The following RSF1 variants were observed in gnomAD, a reference collection of about 807,000 sequenced individuals.
RSF1 encodes the protein HBV pX-associated protein 8.
Under a neutral mutation model 145.2 loss-of-function variants are expected in RSF1, and 13 were observed. The observed-to-expected ratio is 0.09, with a 90% CI of 0.06 to 0.14. RSF1 has a LOEUF of 0.14. Among genes scored for constraint, RSF1 ranks in the 10% least tolerant of loss-of-function variants. The probability of loss-of-function intolerance (pLI) is 1.00; values close to 1 mark genes in which losing one functional copy is unlikely to be tolerated. For synonymous variants in RSF1, 577 were observed against 592.6 expected, an observed-to-expected ratio of 0.97 and a Z score of 0.38; for missense variants, 1,517 against 1,718.2, an observed-to-expected ratio of 0.88 and a Z score of 2.07.
chr11:77,848,896 C>T, the RSF1 span, among the ~76,000 whole-genome samples: 7 of 152,190 alleles, frequency 4.6e-5, no homozygotes, highest in Admixed American at 4.6e-4. Context: ...AGCGATCCTC[C>T]AGCCTGCTCT....
Position 77,820,663 on chromosome 11 carries a change from C to G in RSF1, c.52G>C (p.Gly18Arg). 1 of 1,557,128 alleles carries G rather than the reference C, an allele frequency of 6.4e-7. No individual in the cohort carries two copies. Among genetic ancestry groups the G allele is most frequent in the Non-Finnish European group, 8.7e-7 (1 of 1,151,782 alleles). Residue 18 changes from glycine (G) to arginine (R), a missense_variant, in exon 1 of 16, where the codon GGT becomes CGT. Gly to Arg is a moderately radical substitution (Grantham distance 125). Around this residue, in one of 12 missense-constraint regions of RSF1, gnomAD observed 85 missense variants for 91.8 expected, o/e 0.93. Coordinates refer to ENST00000308488, the MANE Select transcript of RSF1 (RefSeq NM_016578.4). ...AAVMAPPGCPGSCPNFAVVCS... is the reference protein window; with the variant it reads ...AAVMAPPGCPRSCPNFAVVCS... ...ACTACGGCGAAGTTGGGGCACGAAC[C>G]CGGGCAGCCCGGAGGAGCCATCACC... is the stretch of plus-strand genomic sequence containing the variant.
At chr11:77,761,229 G>A (rs926010263) in intron 2 of RSF1, among the ~76,000 whole-genome samples, 1 of 152,082 alleles carries the variant, frequency 6.6e-6, no homozygotes, top group African/African-American at 2.4e-5. Context: ...GTGAGCCACC[G>A]CACCTGGCCA....
chr11:77,776,466 G>C (rs1320879690), intron 1 of RSF1, among the ~76,000 whole-genome samples: 1 of 152,078 alleles, frequency 6.6e-6, no homozygotes, highest in African/African-American at 2.4e-5. Context: ...ACAAGCAGAG[G>C]TACCTAGATG....
Position 77,701,997 on chromosome 11 carries a change from T to G in RSF1, c.1232A>C (p.Lys411Thr), listed in dbSNP as rs1448825488. ...TTTTATTTCATCTTTCAAAAACTCTTTTGTTGGAGTAACTGATTTACACAA... is the reference window on the plus strand; with the variant it reads ...TTTTATTTCATCTTTCAAAAACTCTGTTGTTGGAGTAACTGATTTACACAA... The part of the protein sequence containing the change: ...GPLCKSVTPT[K>T]EFLKDEIKQE... Residue 411 changes from lysine (K) to threonine (T), a missense_variant, in exon 6 of 16, where the codon AAA becomes ACA. Lys to Thr is a moderately conservative substitution (Grantham distance 78). Around this residue, in one of 12 missense-constraint regions of RSF1, gnomAD observed 579 missense variants for 553.5 expected, o/e 1.05. Transcript: ENST00000308488. 1.9e-6 allele frequency: 3 copies of G among 1,613,900 alleles called. No individual in the cohort carries two copies. In the East Asian group the frequency reaches 6.7e-5, roughly 36 times the overall value.
chr11:77,718,973 G>A (rs185963465), intron 5 of RSF1, among the ~76,000 whole-genome samples: 1 of 152,290 alleles, frequency 6.6e-6, no homozygotes, highest in Non-Finnish European at 1.5e-5. Context: ...ACTGGGCTGG[G>A]TGCAGTGGCT....
At position 77,727,746 on chromosome 11, in the gene RSF1, T is replaced by A. The variant is rs144160259; in HGVS notation, c.579-2047A>T. On this transcript the variant is annotated intron_variant, in intron 4 of 15. Coordinates refer to ENST00000308488, the MANE Select transcript of RSF1 (RefSeq NM_016578.4). ...CTGCCTGCCTTGGCCTCCCAAACTG[T>A]TGGGATTACAAGCGTGAGCCACTGC... is the stretch of plus-strand genomic sequence containing the variant. Among the ~76,000 whole-genome samples, 118 of 152,144 alleles carry A rather than the reference T, an allele frequency of 7.8e-4. No homozygotes were observed. The Middle Eastern group carries it at 0.027, about 35-fold the overall frequency.
intron 1 of RSF1, among the ~76,000 whole-genome samples, chr11:77,819,214 C>A (rs1393235974): frequency 6.6e-6 from 1 of 152,268 alleles, no homozygotes; most frequent in Non-Finnish European, 1.5e-5. Flanking sequence ...AATAACCAAT[C>A]CACTTTGGCC....
At chr11:77,822,320 C>A (rs892631690), upstream of RSF1, among the ~76,000 whole-genome samples, 3 of 146,298 alleles carry the variant, frequency 2.1e-5, no homozygotes, top group Non-Finnish European at 3.0e-5. Flanking sequence ...GAGGCTGATG[C>A]AGGAGAACCC....
chr11:77,725,573 A>G lies in RSF1; in HGVS notation c.705T>C (p.Thr235=). 6.3e-7 allele frequency: 1 copy of G among 1,585,492 alleles called. No homozygotes were observed. Among genetic ancestry groups the G allele is most frequent in the South Asian group, 1.2e-5 (1 of 86,118 alleles). Reference sequence around the variant, plus strand: ...GTTTAGGTGTTTCTTCCTCTTTTTTAGTCTCCTCATCCTCTAAGCTGGGAC... The same window carrying G: ...GTTTAGGTGTTTCTTCCTCTTTTTTGGTCTCCTCATCCTCTAAGCTGGGAC... ...RESPSLEDEE[T]KKEEETPKQE... Residue 235 remains threonine, a synonymous_variant, in exon 5 of 16, where the codon ACT becomes ACC. Coordinates refer to ENST00000308488, the MANE Select transcript of RSF1 (RefSeq NM_016578.4).
chr11:77,748,442 A>G (rs1281125067), intron 2 of RSF1, among the ~76,000 whole-genome samples: 1 of 151,886 alleles, frequency 6.6e-6, no homozygotes, highest in African/African-American at 2.4e-5. Context: ...CAAGATGGAC[A>G]ATGGACAGTT....
the RSF1 span, chr11:77,831,972 A>G: frequency 6.6e-6 from 1 of 150,822 alleles, no homozygotes; most frequent in East Asian, 1.9e-4. Context: ...GGCCTCTCAG[A>G]AGTGCTGGGA....
Position 77,702,393 on chromosome 11 carries a change from T to G in RSF1, c.836A>C (p.Glu279Ala), listed in dbSNP as rs1960448496. 1 of 1,609,854 alleles carries G rather than the reference T, an allele frequency of 6.2e-7. No homozygotes were observed. The highest frequency in any genetic ancestry group is 8.5e-7 in the Non-Finnish European group (1 of 1,179,164). ...CACAAGTTCCTTTTCATCTTCTTTT[T>G]CTTTTTTCACAGTAGTCTCTTCTAG... ...NVLEETTVKK[E>A]KEDEKELVKL... The change falls in exon 6 of 16, where the codon GAA (glutamate) becomes GCA (alanine). Residue 279 changes from glutamate (E) to alanine (A), a missense_variant. Glu to Ala is a moderately radical substitution (Grantham distance 107). Around this residue, in one of 12 missense-constraint regions of RSF1, gnomAD observed 207 missense variants for 191.4 expected, o/e 1.08. Transcript: ENST00000308488.
At chr11:77,830,177 A>G in the RSF1 span, 1 of 152,286 alleles carries the variant, frequency 6.6e-6, no homozygotes. Context: ...CAAAATAGGA[A>G]AAAATACATC....
At chr11:77,782,295 C>G (rs957739595) in intron 1 of RSF1, among the ~76,000 whole-genome samples, 3 of 151,858 alleles carry the variant, frequency 2.0e-5, no homozygotes, top group Non-Finnish European at 4.4e-5. Context: ...AATCCCAACA[C>G]TTTGGGAGGC....
At chr11:77,818,021 C>G (rs147509483) in intron 1 of RSF1, among the ~76,000 whole-genome samples, 1 of 152,244 alleles carries the variant, frequency 6.6e-6, no homozygotes, top group Non-Finnish European at 1.5e-5. Flanking sequence ...GCCAAGTGTT[C>G]TGAACTGTGT....
intron 1 of RSF1, among the ~76,000 whole-genome samples, chr11:77,787,833 T>TAAAAAAAAAAAAAA (rs57568918): frequency 1.5e-5 from 2 of 129,472 alleles, no homozygotes; most frequent in African/African-American, 5.9e-5. Context: ...TTCAGAACAG[T>TAAAAAAAAAAAAAA]AAAAAAAAAA....
intron 5 of RSF1, among the ~76,000 whole-genome samples, chr11:77,713,144 C>T (rs1013037002): frequency 6.6e-6 from 1 of 152,170 alleles, no homozygotes; most frequent in Non-Finnish European, 1.5e-5. Context: ...CTAACTCATA[C>T]ATATGATTAA....
At chr11:77,791,274 C>G (rs1948514452) in intron 1 of RSF1, among the ~76,000 whole-genome samples, 1 of 152,124 alleles carries the variant, frequency 6.6e-6, no homozygotes, top group Admixed American at 6.5e-5. Context: ...AAGCAACAGC[C>G]CAAGCTGTAA....
At chr11:77,688,861 T>A (rs1191386731) in intron 9 of RSF1, among the ~76,000 whole-genome samples, 1 of 152,190 alleles carries the variant, frequency 6.6e-6, no homozygotes, top group Admixed American at 6.5e-5. Flanking sequence ...CTAAGCAGCA[T>A]CCATTACGAG....
Sources: gnomAD v4.1 joint callset for allele counts (sites outside exome capture counted in the v4.1 genomes callset) on GRCh38, gnomAD v4.1.1 for gene constraint, gnomAD v4.1.1 regional missense constraint, MANE v1.5 for transcripts, NCBI Gene and HGNC (gene_info 2026-07-23, HGNC 2026-07-21) for gene names.